Variants in CTNNA3 observed in about 807,000 individuals in gnomAD.
The protein encoded by CTNNA3 is catenin alpha-3.
CTNNA3 carries 76 observed loss-of-function variants against 95.7 expected under a neutral mutation model. The ratio of observed to expected loss-of-function variants is 0.79; its 90% CI spans 0.66 to 0.96. The LOEUF (loss-of-function observed/expected upper bound fraction) is 0.96, where lower values mean the gene tolerates loss of function less well. Among genes scored for constraint, CTNNA3 ranks in the 40% least tolerant of loss-of-function variants. The probability of loss-of-function intolerance (pLI) is 0.00; values close to 1 mark genes in which losing one functional copy is unlikely to be tolerated. For missense variants in CTNNA3, 1,191 were observed against 1,089.8 expected, an observed-to-expected ratio of 1.09 and a Z score of -1.31; for synonymous variants, 431 against 374.4, an observed-to-expected ratio of 1.15 and a Z score of -1.74.
At chr10:66,141,542 A>G (rs1413571726) in intron 13 of CTNNA3, among the ~76,000 whole-genome samples, 3 of 152,162 alleles carry the variant, frequency 2.0e-5, no homozygotes, top group African/African-American at 4.8e-5. Flanking sequence ...AAATTCTCCA[A>G]TTATGGAGAA....
At chr10:66,124,155 A>T (rs1043764309) in intron 13 of CTNNA3, among the ~76,000 whole-genome samples, 3 of 151,986 alleles carry the variant, frequency 2.0e-5, no homozygotes, top group Non-Finnish European at 4.4e-5. Flanking sequence ...AATGCCTTTA[A>T]CAGCACCCAA....
At chr10:67,666,949 A>G (rs1339650723) in intron 1 of CTNNA3, among the ~76,000 whole-genome samples, 1 of 152,120 alleles carries the variant, frequency 6.6e-6, no homozygotes, top group Non-Finnish European at 1.5e-5. Flanking sequence ...ACTTCCCACA[A>G]TCCTAAATTT....
At chr10:66,061,323 C>A (rs1307436968) in intron 15 of CTNNA3, among the ~76,000 whole-genome samples, 1 of 152,066 alleles carries the variant, frequency 6.6e-6, no homozygotes, top group Non-Finnish European at 1.5e-5. Flanking sequence ...GAAATGGCTA[C>A]ATCAAGTTTT....
intron 10 of CTNNA3, among the ~76,000 whole-genome samples, chr10:66,585,543 G>T (rs1369135510): frequency 6.6e-6 from 1 of 151,616 alleles, no homozygotes; most frequent in Non-Finnish European, 1.5e-5. Flanking sequence ...TAGAAGTTCT[G>T]ATTGGCTTTC....
chr10:66,331,348 T>G lies in CTNNA3; in HGVS notation c.1732+47804A>C, dbSNP rs1230197794. Among the ~76,000 whole-genome samples, 14 of 77,574 alleles carry G rather than the reference T, an allele frequency of 1.8e-4. 1 individual carries two copies. The highest frequency in any genetic ancestry group is 3.6e-4 in the Non-Finnish European group (14 of 38,588). The allele number at this position is 77,574 out of a possible 152,430, so 50.9% of individuals were successfully genotyped here. On this transcript the variant is annotated intron_variant, in intron 12 of 17. Coordinates refer to ENST00000433211, the MANE Select transcript of CTNNA3 (RefSeq NM_013266.4). ...ACTCCTTTCCCCATTGTTTGTTTTT[T>G]TTTTTTTTTTTTTTTTTTTTTTTGA... is the stretch of plus-strand genomic sequence containing the variant.
chr10:66,260,659 G>T (rs559284501), intron 13 of CTNNA3, among the ~76,000 whole-genome samples: 1 of 152,138 alleles, frequency 6.6e-6, no homozygotes, highest in Non-Finnish European at 1.5e-5. Context: ...GTCAAAGCAG[G>T]AAAAAGCAGA....
chr10:66,320,112 C>T lies in CTNNA3; in HGVS notation c.1733-39491G>A, dbSNP rs530720019. 4.6e-5 allele frequency among the ~76,000 whole-genome samples: 7 copies of T among 152,200 alleles called. No homozygotes were observed. The East Asian group carries it at 1.4e-3, about 29-fold the overall frequency. On this transcript the variant is annotated intron_variant, in intron 12 of 17. Transcript: ENST00000433211. ...CAGCATTGCATATAAAATGCCTAGT[C>T]TCGCACCTGATATATAAGTCTTATC...
chr10:67,723,660 T>G (rs1377355745), intron 1 of CTNNA3, among the ~76,000 whole-genome samples: 1 of 152,190 alleles, frequency 6.6e-6, no homozygotes, highest in African/African-American at 2.4e-5. Context: ...AGCTTCATTG[T>G]GAATAAATGC....
chr10:66,927,287 T>C lies in CTNNA3; in HGVS notation c.1048-151763A>G, dbSNP rs1847134629. ...CTTAGTTCCAATAGAATCTCCTATT[T>C]TCTTAACAATACCTTCAGACCTGTG... On this transcript the variant is annotated intron_variant, in intron 7 of 17. Coordinates refer to ENST00000433211, the MANE Select transcript of CTNNA3 (RefSeq NM_013266.4). This position sits in a 1 kb window ranked among gnomAD's most constrained non-coding sequence, Gnocchi z 4.7. 1 of 1,614,044 alleles carries C rather than the reference T, an allele frequency of 6.2e-7. No homozygotes were observed. Among genetic ancestry groups the C allele is most frequent in the South Asian group, 1.1e-5 (1 of 91,088 alleles).
intron 10 of CTNNA3, among the ~76,000 whole-genome samples, chr10:66,602,974 C>G (rs898383257): frequency 2.0e-5 from 3 of 151,902 alleles, no homozygotes; most frequent in African/African-American, 7.3e-5. Flanking sequence ...ATGTGACAAA[C>G]CTATAGCAAT....
intron 11 of CTNNA3, among the ~76,000 whole-genome samples, chr10:66,432,662 G>GA (rs11424847): frequency 0.27 from 32,289 of 120,130 alleles, 3,997 homozygotes; most frequent in Admixed American, 0.36. Context: ...CCATCTCACA[G>GA]AAAAAAAAAA....
At chr10:67,260,683 G>GT (rs11363504) in intron 5 of CTNNA3, among the ~76,000 whole-genome samples, 5,256 of 148,006 alleles carry the variant, frequency 0.036, 183 homozygotes, top group South Asian at 0.18. Context: ...TTGTTTTTTT[G>GT]TTTTTTTTTT....
At chr10:66,427,484 A>G (rs1019700698) in intron 11 of CTNNA3, among the ~76,000 whole-genome samples, 2 of 152,090 alleles carry the variant, frequency 1.3e-5, no homozygotes, top group African/African-American at 4.8e-5. Flanking sequence ...GTAGGCACTG[A>G]AGAAAGATTA....
At chr10:66,422,669 A>G (rs552081779) in intron 11 of CTNNA3, among the ~76,000 whole-genome samples, 20 of 152,160 alleles carry the variant, frequency 1.3e-4, no homozygotes, top group Non-Finnish European at 2.4e-4. Context: ...TTATTTTTCA[A>G]CATTGCAGAT....
chr10:66,528,854 CTTG>C (rs1034965399), intron 10 of CTNNA3, among the ~76,000 whole-genome samples: 3 of 151,884 alleles, frequency 2.0e-5, no homozygotes, highest in Non-Finnish European at 2.9e-5. Flanking sequence ...TACAAAATAA[CTTG>C]TTGTCATTTT....
chr10:66,147,659 T>C (rs954640319), intron 13 of CTNNA3, among the ~76,000 whole-genome samples: 1 of 145,954 alleles, frequency 6.9e-6, no homozygotes, highest in African/African-American at 2.5e-5. Flanking sequence ...CTCTTAACAG[T>C]AGAAAAATAC....
intron 5 of CTNNA3, among the ~76,000 whole-genome samples, chr10:67,252,205 T>G (rs1866137995): frequency 2.4e-5 from 3 of 126,096 alleles, no homozygotes; most frequent in South Asian, 2.4e-4. Flanking sequence ...AGCAACAGAG[T>G]GAAACACTGT....
At position 67,651,048 on chromosome 10, in the gene CTNNA3, T is replaced by G. The variant is rs972892382; in HGVS notation, c.-5-3530A>C. ...TACAATTCTTTTACATAAGTTGTCA[T>G]GTTCTTGTGGGATGGCTTGGAAACC... On this transcript the variant is annotated intron_variant, in intron 1 of 17. Coordinates refer to ENST00000433211, the MANE Select transcript of CTNNA3 (RefSeq NM_013266.4). 3.3e-5 allele frequency among the ~76,000 whole-genome samples: 5 copies of G among 152,162 alleles called. No individual in the cohort carries two copies. In the East Asian group the frequency reaches 9.7e-4, roughly 29 times the overall value.
chr10:67,752,557 A>G (rs1161920053), intron 1 of CTNNA3, among the ~76,000 whole-genome samples: 1 of 152,194 alleles, frequency 6.6e-6, no homozygotes, highest in Admixed American at 6.5e-5. Flanking sequence ...CAGACAACAT[A>G]ATCCTATATT....
Sources: gnomAD v4.1 joint callset for allele counts (sites outside exome capture counted in the v4.1 genomes callset) on GRCh38, gnomAD v4.1.1 for gene constraint, Gnocchi (gnomAD v3.1) non-coding constraint, MANE v1.5 for transcripts, NCBI Gene and HGNC (gene_info 2026-07-23, HGNC 2026-07-21) for gene names.